The following ZNF570 variants were observed in gnomAD, a reference collection of about 807,000 sequenced individuals.
ZNF570 encodes the protein zinc finger protein 570.
Under a neutral mutation model 14.2 loss-of-function variants are expected in ZNF570, and 8 were observed. The observed-to-expected ratio is 0.56, with a 90% CI of 0.33 to 1.02. The LOEUF (loss-of-function observed/expected upper bound fraction) is 1.02. ZNF570 is among the 50% of genes least tolerant of loss of function. The probability of loss-of-function intolerance (pLI) is 0.03; values close to 1 mark genes in which losing one functional copy is unlikely to be tolerated. For synonymous variants in ZNF570, 202 were observed against 207.6 expected (o/e 0.97, Z 0.23); for missense variants, 559 against 624.9 (o/e 0.89, Z 1.12).
intron 4 of ZNF570, among the ~76,000 whole-genome samples, chr19:37,482,851 C>T (rs1600387446): frequency 6.6e-6 from 1 of 151,012 alleles, no homozygotes; most frequent in African/African-American, 2.4e-5. Flanking sequence ...CTTTCTTTCT[C>T]TCTCTCTCTC....
At chr19:37,468,806 G>A (rs996860331), upstream of ZNF570, among the ~76,000 whole-genome samples, 2 of 152,236 alleles carry the variant, frequency 1.3e-5, no homozygotes, top group Non-Finnish European at 2.9e-5. Context: ...GTGCCAGGCT[G>A]AGGGTAGCGG....
upstream of ZNF570, chr19:37,469,278 A>C: frequency 7.1e-7 from 1 of 1,410,560 alleles, no homozygotes; most frequent in Non-Finnish European, 9.2e-7. Flanking sequence ...TCTACTCCGG[A>C]CTACGTTTCC....
chr19:37,472,999 C>T (rs1026907524), intron 2 of ZNF570, among the ~76,000 whole-genome samples: 2 of 152,074 alleles, frequency 1.3e-5, no homozygotes, highest in Non-Finnish European at 1.5e-5. Context: ...TTAGGGTGTA[C>T]AAGCACAGGT....
intron 4 of ZNF570, among the ~76,000 whole-genome samples, chr19:37,480,195 C>T (rs1048177164): frequency 2.0e-5 from 3 of 152,098 alleles, no homozygotes; most frequent in Non-Finnish European, 4.4e-5. Flanking sequence ...ACTAAAAATA[C>T]AAGAACGTAG....
chr19:37,479,687 A>G (rs971025187), intron 4 of ZNF570, among the ~76,000 whole-genome samples: 3 of 152,044 alleles, frequency 2.0e-5, no homozygotes, highest in Admixed American at 1.3e-4. Flanking sequence ...TCATTTGGTC[A>G]TATGTTTTTA....
In ZNF570 at chr19:37,484,231, A is replaced by C; in HGVS notation, c.609A>C (p.Leu203Phe). The change falls in exon 5 of 5, where the codon TTA becomes TTC. Residue 203 changes from leucine (L) to phenylalanine (F), a missense_variant. By Grantham distance (22) the Leu-to-Phe change is conservative. Coordinates refer to ENST00000330173, the MANE Select transcript of ZNF570 (RefSeq NM_144694.5). ...AAAAGAGAAGCTTTAAAAAAAATTT[A>C]ATGGCTATTAAGCCCAAGAGTGTCT... ...DTQKRSFKKN[L>F]MAIKPKSVCA... 1 of 1,613,988 alleles carries C rather than the reference A, an allele frequency of 6.2e-7. No homozygotes were observed. Among genetic ancestry groups the C allele is most frequent in the Non-Finnish European group, 8.5e-7 (1 of 1,179,994 alleles).
At position 37,476,399 on chromosome 19, in the gene ZNF570, T is replaced by C. The variant is rs1296231773; in HGVS notation, c.221T>C (p.Met74Thr). 1 of 1,614,050 alleles carries C rather than the reference T, an allele frequency of 6.2e-7. No homozygotes were observed. The part of the protein sequence containing the change: ...LLLEQGKAPW[M>T]VKRELTKGLC... ...TTGGAACAAGGAAAAGCACCCTGGA[T>C]GGTGAAGAGAGAGCTGACAAAAGGC... is the stretch of plus-strand genomic sequence containing the variant. Residue 74 changes from methionine (M) to threonine (T), a missense_variant, in exon 4 of 5, where the codon ATG (methionine) becomes ACG (threonine). Transcript: ENST00000330173.
chr19:37,479,504 A>G (rs1235903435), intron 4 of ZNF570, among the ~76,000 whole-genome samples: 1 of 152,098 alleles, frequency 6.6e-6, no homozygotes, highest in Non-Finnish European at 1.5e-5. Flanking sequence ...TCATTAGGTT[A>G]AGCTCATTAA....
Position 37,484,802 on chromosome 19 carries a change from G to A in ZNF570, c.1180G>A (p.Ala394Thr). The change falls in exon 5 of 5, where the codon GCC becomes ACC. Residue 394 changes from alanine (A) to threonine (T), a missense_variant. By Grantham distance (58) the Ala-to-Thr change is moderately conservative (BLOSUM62 0). Coordinates refer to ENST00000330173, the MANE Select transcript of ZNF570 (RefSeq NM_144694.5). ...RPYECKECGK[A>T]FSQNSHLAQH... Reference sequence around the variant, plus strand: ...CTATGAATGTAAGGAATGTGGGAAGGCCTTTAGCCAGAATTCACACCTTGC... The same window carrying A: ...CTATGAATGTAAGGAATGTGGGAAGACCTTTAGCCAGAATTCACACCTTGC... 1.2e-6 allele frequency: 2 copies of A among 1,612,646 alleles called. No homozygotes were observed. The highest frequency in any genetic ancestry group is 1.7e-6 in the Non-Finnish European group (2 of 1,179,646).
At position 37,484,991 on chromosome 19, in the gene ZNF570, C is replaced by G. The variant is rs764366469; in HGVS notation, c.1369C>G (p.Leu457Val). The G allele has an allele frequency of 6.2e-7, 1 of 1,614,080 alleles. No homozygotes were observed. Among genetic ancestry groups the G allele is most frequent in the Non-Finnish European group, 8.5e-7 (1 of 1,180,014 alleles). ...GAAGGCTTTTAGCAATGACTCGTCC[C>G]TTACTCAACATCAGCGAGTTCATAC... is the stretch of plus-strand genomic sequence containing the variant. ...CGKAFSNDSS[L>V]TQHQRVHTGE... Residue 457 changes from leucine (L) to valine (V), a missense_variant, in exon 5 of 5, where the codon CTT becomes GTT. Coordinates refer to ENST00000330173, the MANE Select transcript of ZNF570 (RefSeq NM_144694.5).
intron 4 of ZNF570, among the ~76,000 whole-genome samples, chr19:37,477,637 C>T (rs1320787984): frequency 6.6e-6 from 1 of 152,094 alleles, no homozygotes; most frequent in Non-Finnish European, 1.5e-5. Context: ...CCACTGCACC[C>T]AGCCTGTAGC....
At chr19:37,478,547 G>GGTTCTCAATGAT (rs1423194414) in intron 4 of ZNF570, among the ~76,000 whole-genome samples, 6 of 145,732 alleles carry the variant, frequency 4.1e-5, no homozygotes, top group South Asian at 2.2e-4. Flanking sequence ...TTATTTTTCT[G>GGTTCTCAATGAT]TTGCCTTTGT....
intron 2 of ZNF570, among the ~76,000 whole-genome samples, chr19:37,475,294 G>A (rs2042011528): frequency 6.6e-6 from 1 of 152,106 alleles, no homozygotes; most frequent in Non-Finnish European, 1.5e-5. Flanking sequence ...AACCCCTGTA[G>A]GCAGAAGCAA....
chr19:37,468,697 G>A (rs2041895137), upstream of ZNF570, among the ~76,000 whole-genome samples: 1 of 152,046 alleles, frequency 6.6e-6, no homozygotes, highest in Non-Finnish European at 1.5e-5. Flanking sequence ...TAGTAGAGAC[G>A]GGGTTTCACC....
At chr19:37,471,298 C>G (rs2041960828) in intron 2 of ZNF570, among the ~76,000 whole-genome samples, 1 of 152,170 alleles carries the variant, frequency 6.6e-6, no homozygotes, top group South Asian at 2.1e-4. Context: ...CAGGCGTGAG[C>G]CACCGCACCC....
At chr19:37,472,510 G>A (rs1052264535) in intron 2 of ZNF570, among the ~76,000 whole-genome samples, 5 of 152,114 alleles carry the variant, frequency 3.3e-5, no homozygotes, top group Admixed American at 1.3e-4. Flanking sequence ...GGAGACCGAG[G>A]TGGGCGGATC....
intron 2 of ZNF570, among the ~76,000 whole-genome samples, chr19:37,470,765 A>G (rs1272317859): frequency 1.4e-5 from 2 of 144,956 alleles, no homozygotes; most frequent in African/African-American, 5.2e-5. Flanking sequence ...CAGTGGCGCA[A>G]TATGGCTCAC....
rs2042152073 is a variant in ZNF570, at chr19:37,486,056, A to G, written c.*823A>G. 1 of 152,098 alleles carries G rather than the reference A, an allele frequency of 6.6e-6. No individual in the cohort carries two copies. Among genetic ancestry groups the G allele is most frequent in the African/African-American group, 2.4e-5 (1 of 41,428 alleles). 9.4% of individuals were successfully genotyped at this position (152,098 alleles called of 1,614,324 possible). On this transcript the variant is annotated 3_prime_UTR_variant, in exon 5 of 5. Coordinates refer to ENST00000330173, the MANE Select transcript of ZNF570 (RefSeq NM_144694.5). ...CAACTCCGTCTCAAAATAAAAAGAA[A>G]AGAAGAGAAAAGAAAACACATGTTA...
chr19:37,471,217 G>A (rs1054271512), intron 2 of ZNF570, among the ~76,000 whole-genome samples: 22 of 151,250 alleles, frequency 1.5e-4, no homozygotes, highest in African/African-American at 5.3e-4. Context: ...ATTTCACCAT[G>A]TTAGCCAGGA....
Sources: gnomAD v4.1 joint callset for allele counts (sites outside exome capture counted in the v4.1 genomes callset) on GRCh38, gnomAD v4.1.1 for gene constraint, MANE v1.5 for transcripts, NCBI Gene and HGNC (gene_info 2026-07-23, HGNC 2026-07-21) for gene names.